Variants in RIC1 observed in about 807,000 individuals in gnomAD.
RIC1 encodes the protein guanine nucleotide exchange factor subunit RIC1.
In RIC1, 88 loss-of-function variants were observed where a neutral mutation model predicts 169.0. That is an observed-to-expected ratio of 0.52 (90% CI 0.44 to 0.62). The LOEUF is 0.62. Among genes scored for constraint, RIC1 ranks in the 20% least tolerant of loss-of-function variants. The pLI is 0.00. For synonymous variants in RIC1, 790 were observed against 601.5 expected (o/e 1.31, Z -4.59); for missense variants, 1,877 against 1,725.5 (o/e 1.09, Z -1.56).
At chr9:5,723,154 C>T (rs1480811893) in intron 6 of RIC1, among the ~76,000 whole-genome samples, 3 of 152,194 alleles carry the variant, frequency 2.0e-5, no homozygotes, top group African/African-American at 7.2e-5. Context: ...AATGGTTGAA[C>T]TAGTTTACAG....
In RIC1 at chr9:5,762,641, C is replaced by G. The variant is rs768211688; in HGVS notation, c.2093C>G (p.Pro698Arg). The change falls in exon 18 of 26, where the codon CCT becomes CGT. Residue 698 changes from proline to arginine, a missense_variant. Around this residue, in one of 3 missense-constraint regions of RIC1, gnomAD observed 1,104 missense variants for 992.0 expected, o/e 1.11. Coordinates refer to ENST00000414202, the MANE Select transcript of RIC1 (RefSeq NM_020829.4). ...CAGATCCGGGAGAAGGACAGTAACC[C>G]TAATAACCAAAGGAAACTTGTGAGT... ...GPQIREKDSNPNNQRKLLPFC... is the reference protein window; with the variant it reads ...GPQIREKDSNRNNQRKLLPFC... 1 of 1,613,792 alleles carries G rather than the reference C, an allele frequency of 6.2e-7. No individual in the cohort carries two copies. Among genetic ancestry groups the G allele is most frequent in the Non-Finnish European group, 8.5e-7 (1 of 1,179,858 alleles).
chr9:5,776,635 T>G (rs1339375195), downstream of RIC1: 1 of 152,040 alleles, frequency 6.6e-6, no homozygotes, highest in Non-Finnish European at 1.5e-5. Flanking sequence ...CTTAGAATTT[T>G]CCTTATGAAA....
chr9:5,722,398 G>A (rs533090110), intron 6 of RIC1, among the ~76,000 whole-genome samples: 1 of 149,838 alleles, frequency 6.7e-6, no homozygotes, highest in African/African-American at 2.5e-5. Context: ...TGCAGTGTAT[G>A]TGTGGGTCTA....
chr9:5,657,223 T>C (rs57286098), intron 2 of RIC1, among the ~76,000 whole-genome samples: 3,003 of 152,262 alleles, frequency 0.02, 104 homozygotes, highest in African/African-American at 0.068. Context: ...GTGCATATGT[T>C]ATACTAAAAT....
At chr9:5,758,717 C>T (rs909507615) in intron 17 of RIC1, among the ~76,000 whole-genome samples, 2 of 147,028 alleles carry the variant, frequency 1.4e-5, no homozygotes, top group African/African-American at 5.2e-5. Flanking sequence ...ATCTTGGTCT[C>T]CCTTCTTTTT....
intron 1 of RIC1, among the ~76,000 whole-genome samples, chr9:5,632,274 C>G (rs1288406023): frequency 2.0e-5 from 3 of 152,138 alleles, no homozygotes; most frequent in Non-Finnish European, 4.4e-5. Flanking sequence ...CTGGTTGTTT[C>G]AATGTTCAAA....
At chr9:5,686,313 A>G (rs1005890446) in intron 2 of RIC1, among the ~76,000 whole-genome samples, 2,013 of 152,174 alleles carry the variant, frequency 0.013, 51 homozygotes, top group African/African-American at 0.046. Context: ...TGCCGCTATA[A>G]AGACACATGC....
chr9:5,752,098 G>A (rs970397116), intron 12 of RIC1, among the ~76,000 whole-genome samples: 3 of 152,104 alleles, frequency 2.0e-5, no homozygotes, highest in Admixed American at 6.6e-5. Context: ...TCATTAAAAC[G>A]AAAATTTACT....
intron 15 of RIC1, among the ~76,000 whole-genome samples, chr9:5,755,570 T>A (rs553021286): frequency 6.6e-6 from 1 of 152,212 alleles, no homozygotes; most frequent in Admixed American, 6.5e-5. Context: ...TAAGAGAGAC[T>A]ACTGTATCTG....
At chr9:5,693,834 C>G (rs1017049563) in intron 3 of RIC1, among the ~76,000 whole-genome samples, 1 of 151,708 alleles carries the variant, frequency 6.6e-6, no homozygotes, top group Non-Finnish European at 1.5e-5. Flanking sequence ...TTTTTTCCCC[C>G]TTCTTCCTGT....
At chr9:5,674,762 T>A (rs978218460) in intron 2 of RIC1, among the ~76,000 whole-genome samples, 1 of 152,164 alleles carries the variant, frequency 6.6e-6, no homozygotes, top group Non-Finnish European at 1.5e-5. Flanking sequence ...TTCTCTCCCC[T>A]CCAGCCCACT....
intron 3 of RIC1, among the ~76,000 whole-genome samples, chr9:5,692,583 G>C (rs1821650403): frequency 6.6e-6 from 1 of 151,960 alleles, no homozygotes; most frequent in Non-Finnish European, 1.5e-5. Context: ...ATTAAAGTCA[G>C]CCTGTTGTGT....
chr9:5,727,249 A>G lies in RIC1; in HGVS notation c.721-5139A>G, dbSNP rs192873288. Among the ~76,000 whole-genome samples the G allele has an allele frequency of 2.4e-4, 37 of 152,044 alleles. No homozygotes were observed. The East Asian group carries it at 5.2e-3, about 21-fold the overall frequency. On this transcript the variant is annotated intron_variant, in intron 6 of 25. Transcript: ENST00000414202. ...CCCATTTTTCTGGGAGGCTTTGTTC[A>G]TTTCTTTTTACTCTTTTTTTCTCTA...
At chr9:5,778,516 G>GT (rs1180919092), downstream of RIC1, among the ~76,000 whole-genome samples, 1 of 152,256 alleles carries the variant, frequency 6.6e-6, no homozygotes, top group Admixed American at 6.5e-5. Context: ...CTAGCTGTGG[G>GT]TTTTTTATTG....
intron 2 of RIC1, among the ~76,000 whole-genome samples, chr9:5,679,321 A>C (rs371625874): frequency 1.3e-5 from 2 of 152,124 alleles, no homozygotes; most frequent in East Asian, 1.9e-4. Flanking sequence ...TTGGCAATGC[A>C]GGCTCTTTTT....
At chr9:5,636,530 G>A (rs1268994841) in intron 1 of RIC1, among the ~76,000 whole-genome samples, 2 of 152,088 alleles carry the variant, frequency 1.3e-5, no homozygotes. Flanking sequence ...ATGTTGGCCA[G>A]GCTGGTATCG....
intron 8 of RIC1, among the ~76,000 whole-genome samples, chr9:5,741,006 G>A (rs990239800): frequency 7.9e-5 from 12 of 151,980 alleles, no homozygotes; most frequent in African/African-American, 2.9e-4. Flanking sequence ...TACATCCCTT[G>A]GAATTTCTTT....
chr9:5,633,301 C>T (rs376319466), intron 1 of RIC1, among the ~76,000 whole-genome samples: 5 of 152,134 alleles, frequency 3.3e-5, no homozygotes, highest in African/African-American at 1.2e-4. Context: ...ATTTCTCACC[C>T]TTTTAACTCT....
intron 2 of RIC1, among the ~76,000 whole-genome samples, chr9:5,668,806 TG>T (rs1295893300): frequency 7.2e-5 from 11 of 152,190 alleles, no homozygotes; most frequent in Admixed American, 5.2e-4. Flanking sequence ...TTTAGTTTTT[TG>T]CCCATGGTCT....
Sources: gnomAD v4.1 joint callset for allele counts (sites outside exome capture counted in the v4.1 genomes callset) on GRCh38, gnomAD v4.1.1 for gene constraint, gnomAD v4.1.1 regional missense constraint, MANE v1.5 for transcripts, NCBI Gene and HGNC (gene_info 2026-07-23, HGNC 2026-07-21) for gene names.